VTA1: variants seen among roughly 807,000 people sequenced by gnomAD.
VTA1 encodes vacuolar protein sorting-associated protein VTA1 homolog.
VTA1 carries 24 observed loss-of-function variants against 36.9 expected under a neutral mutation model. The ratio of observed to expected loss-of-function variants is 0.65; its 90% CI spans 0.47 to 0.91. The LOEUF is 0.91. VTA1 is among the 40% of genes least tolerant of loss of function. The pLI, the probability that VTA1 is intolerant of heterozygous loss-of-function variation, is 0.00. For synonymous variants in VTA1, 142 were observed against 130.2 expected, an observed-to-expected ratio of 1.09 and a Z score of -0.62; for missense variants, 393 against 377.2, an observed-to-expected ratio of 1.04 and a Z score of -0.35.
chr6:142,172,291 G>A (rs1179948204), intron 4 of VTA1, among the ~76,000 whole-genome samples: 1 of 152,228 alleles, frequency 6.6e-6, no homozygotes, highest in Non-Finnish European at 1.5e-5. Context: ...TTACAGGCAT[G>A]AGCTACCAAG....
intron 1 of VTA1, among the ~76,000 whole-genome samples, chr6:142,164,267 A>G (rs1229832734): frequency 1.3e-5 from 2 of 152,178 alleles, no homozygotes; most frequent in Admixed American, 6.5e-5. Context: ...TCTGAGATCA[A>G]ATTAGCATCC....
At chr6:142,157,619 G>C (rs970556368) in intron 1 of VTA1, among the ~76,000 whole-genome samples, 2 of 151,914 alleles carry the variant, frequency 1.3e-5, no homozygotes, top group Admixed American at 1.3e-4. Context: ...TTCTTTTTTG[G>C]CATTCATACA....
chr6:142,177,738 T>G (rs1775153343), intron 4 of VTA1, among the ~76,000 whole-genome samples: 1 of 152,168 alleles, frequency 6.6e-6, no homozygotes, highest in Non-Finnish European at 1.5e-5. Flanking sequence ...CATTGCTAGT[T>G]TTAGCCTGTA....
chr6:142,217,080 G>A (rs1326378207), intron 7 of VTA1, among the ~76,000 whole-genome samples: 6 of 152,156 alleles, frequency 3.9e-5, no homozygotes, highest in Non-Finnish European at 7.4e-5. Flanking sequence ...CTTCAGGATA[G>A]TTGATGTTTA....
chr6:142,151,800 G>A (rs1778573530), intron 1 of VTA1, among the ~76,000 whole-genome samples: 3 of 152,224 alleles, frequency 2.0e-5, no homozygotes, highest in Admixed American at 6.5e-5. Flanking sequence ...TTGGGAGGCT[G>A]AGGCAGGCAG....
At position 142,172,048 on chromosome 6, in the gene VTA1, G is replaced by C. The variant is rs148333306; in HGVS notation, c.411+1627G>C. 8.1e-3 allele frequency among the ~76,000 whole-genome samples: 1,227 copies of C among 152,230 alleles called. 9 individuals are homozygous for C. Among genetic ancestry groups the C allele is most frequent in the East Asian group, 0.036 (187 of 5,184 alleles). On this transcript the variant is annotated intron_variant, in intron 4 of 7. Coordinates refer to ENST00000367630, the MANE Select transcript of VTA1 (RefSeq NM_016485.5). ...TTTGTGAGACTGAGTCTCTCGCTCT[G>C]TCACCAGGCTGGAGTGCAGTGGCAC...
intron 1 of VTA1, among the ~76,000 whole-genome samples, chr6:142,150,810 G>C (rs560799003): frequency 4.7e-4 from 71 of 152,018 alleles, no homozygotes; most frequent in Admixed American, 1.8e-3. Flanking sequence ...TACTTGGGAG[G>C]CTGAGGCAGG....
At chr6:142,196,493 A>G (rs1021853066) in intron 5 of VTA1, among the ~76,000 whole-genome samples, 1 of 152,116 alleles carries the variant, frequency 6.6e-6, no homozygotes, top group African/African-American at 2.4e-5. Context: ...TGTTTAGTTC[A>G]TTTACATTTA....
chr6:142,178,309 TAAAAC>T (rs1001004196), intron 4 of VTA1, among the ~76,000 whole-genome samples: 8 of 151,726 alleles, frequency 5.3e-5, no homozygotes, highest in South Asian at 2.1e-4. Flanking sequence ...AGAAAAAAAA[TAAAAC>T]AAATGAACAA....
At chr6:142,166,171 CAT>C (rs1774909256) in intron 1 of VTA1, 55 bp from the exon 2 acceptor site, 7 of 1,184,232 alleles carry the variant, frequency 5.9e-6, no homozygotes, top group South Asian at 1.5e-5. Flanking sequence ...TTTAAACACT[CAT>C]AAACATGGAT....
At chr6:142,147,487 G>A in intron 1 of VTA1, 88 bp downstream of exon 1, 1 of 1,315,250 alleles carries the variant, frequency 7.6e-7, no homozygotes, top group Admixed American at 2.0e-5. Context: ...GGCATGCCCC[G>A]CCCCCCTCGC....
chr6:142,188,965 A>G (rs1208340217), intron 4 of VTA1, among the ~76,000 whole-genome samples: 1 of 152,200 alleles, frequency 6.6e-6, no homozygotes, highest in African/African-American at 2.4e-5. Flanking sequence ...CCTGCCTATC[A>G]GTCTAGCATT....
intron 5 of VTA1, among the ~76,000 whole-genome samples, chr6:142,195,595 CT>C (rs72442499): frequency 0.47 from 33,044 of 70,438 alleles, 5,967 homozygotes; most frequent in East Asian, 0.68. Context: ...GTTTAATTTG[CT>C]TTTTTTTTTT....
chr6:142,186,997 C>T (rs576258113), intron 4 of VTA1, among the ~76,000 whole-genome samples: 2 of 152,076 alleles, frequency 1.3e-5, no homozygotes, highest in South Asian at 4.1e-4. Flanking sequence ...GGAACTGCCT[C>T]TATTCATTCA....
At chr6:142,171,069 G>A (rs1775021700) in intron 4 of VTA1, among the ~76,000 whole-genome samples, 1 of 151,860 alleles carries the variant, frequency 6.6e-6, no homozygotes, top group African/African-American at 2.4e-5. Flanking sequence ...TTTTTACACT[G>A]TAATTTGTTG....
chr6:142,189,568 A>T, intron 5 of VTA1, 34 bp downstream of exon 5: 1 of 1,544,720 alleles, frequency 6.5e-7, no homozygotes, highest in Non-Finnish European at 8.9e-7. Context: ...AAAAGGACTT[A>T]GTAGAATCAT....
chr6:142,190,027 G>C (rs961491691), intron 5 of VTA1, among the ~76,000 whole-genome samples: 2 of 152,136 alleles, frequency 1.3e-5, no homozygotes, highest in East Asian at 3.9e-4. Flanking sequence ...AAAGTGCTGG[G>C]ATTACAGGCG....
At chr6:142,175,059 G>A (rs1262180727) in intron 4 of VTA1, among the ~76,000 whole-genome samples, 1 of 152,070 alleles carries the variant, frequency 6.6e-6, no homozygotes, top group Non-Finnish European at 1.5e-5. Flanking sequence ...CTGAATAACC[G>A]AAGCCTTCTG....
rs35330800 is a variant in VTA1 at position 142,192,702 on chromosome 6, T to TTGTG, written c.520+3192_520+3195dup. ...AAGGACATGAGGTTATTTTATATATTTGTGTGTGTGTGTGTGTGTGTGTGT... is the reference window on the plus strand; with the variant it reads ...AAGGACATGAGGTTATTTTATATATTTGTGTGTGTGTGTGTGTGTGTGTGTGTGT... On this transcript the variant is annotated intron_variant, in intron 5 of 7. Transcript: ENST00000367630. Among the ~76,000 whole-genome samples the TTGTG allele has an allele frequency of 6.4e-3, 959 of 149,348 alleles. 11 individuals carry two copies. Among genetic ancestry groups the TTGTG allele is most frequent in the African/African-American group, 0.019 (776 of 40,868 alleles).
Sources: allele counts gnomAD v4.1 joint callset (sites outside exome capture counted in the v4.1 genomes callset), GRCh38; gene constraint gnomAD v4.1.1; transcripts MANE v1.5; gene names NCBI Gene and HGNC (gene_info 2026-07-23, HGNC 2026-07-21).